The following SORCS1 variants were observed in gnomAD, a reference collection of about 807,000 sequenced individuals.
The protein encoded by SORCS1 is VPS10 domain-containing receptor SorCS1.
In SORCS1, 60 loss-of-function variants were observed where a neutral mutation model predicts 146.1. The observed-to-expected ratio is 0.41, with a 90% CI of 0.33 to 0.51. The LOEUF (loss-of-function observed/expected upper bound fraction) is 0.51. Ranked by LOEUF, SORCS1 falls within the 20% of genes least tolerant of loss-of-function variation. The probability of loss-of-function intolerance (pLI) is 0.21; values close to 1 mark genes in which losing one functional copy is unlikely to be tolerated. For missense variants in SORCS1, 1,352 were observed against 1,487.6 expected (o/e 0.91, Z 1.50); for synonymous variants, 637 against 584.0 (o/e 1.09, Z -1.31).
Position 106,924,511 on chromosome 10 carries a change from ATCT to A in SORCS1, c.626+31999_626+32001del, listed in dbSNP as rs1952899085. ...TATCTATCTATCTATCTATCTATCTATCTAATTTGCATTGGGCAGGAGCTACTC... is the reference window on the plus strand; with the variant it reads ...TATCTATCTATCTATCTATCTATCTAAATTTGCATTGGGCAGGAGCTACTC... On this transcript the variant is annotated intron_variant, in intron 2 of 25. Transcript: ENST00000263054. Among the ~76,000 whole-genome samples, 4 of 151,432 alleles carry A rather than the reference ATCT, an allele frequency of 2.6e-5. No individual in the cohort carries two copies. In the South Asian group the frequency reaches 8.4e-4, roughly 32 times the overall value.
chr10:106,934,990 A>G (rs910635693), intron 2 of SORCS1, among the ~76,000 whole-genome samples: 2 of 152,182 alleles, frequency 1.3e-5, no homozygotes, highest in African/African-American at 4.8e-5. Flanking sequence ...TGATGGGTAC[A>G]CTAAAATCTC....
chr10:106,755,958 G>A (rs936033735), intron 5 of SORCS1, among the ~76,000 whole-genome samples: 6 of 151,884 alleles, frequency 4.0e-5, no homozygotes, highest in Non-Finnish European at 7.4e-5. Flanking sequence ...GTGAAATTCC[G>A]TCTCTACTAA....
At chr10:107,170,971 T>C in the SORCS1 span, among the ~76,000 whole-genome samples, 1 of 152,230 alleles carries the variant, frequency 6.6e-6, no homozygotes, top group Non-Finnish European at 1.5e-5. Context: ...CTGTACATTA[T>C]CATTTGACTT....
intron 17 of SORCS1, among the ~76,000 whole-genome samples, chr10:106,656,724 C>T (rs1850323434): frequency 6.6e-6 from 1 of 151,188 alleles, no homozygotes; most frequent in Non-Finnish European, 1.5e-5. Context: ...TCAGTGTATA[C>T]TAAGGTGACA....
intron 2 of SORCS1, among the ~76,000 whole-genome samples, chr10:106,938,043 G>C (rs898709299): frequency 3.3e-5 from 5 of 151,848 alleles, no homozygotes; most frequent in African/African-American, 4.8e-5. Flanking sequence ...GGTCCAGAGA[G>C]GGCATCCTTA....
intron 24 of SORCS1, among the ~76,000 whole-genome samples, chr10:106,581,322 T>TACACACACACACAC (rs3044191): frequency 1.5e-3 from 207 of 142,442 alleles, no homozygotes; most frequent in African/African-American, 5.0e-3. Flanking sequence ...TCGTCATACA[T>TACACACACACACAC]ACACACACAC....
intron 1 of SORCS1, among the ~76,000 whole-genome samples, chr10:107,091,986 C>A (rs922575828): frequency 6.6e-6 from 1 of 151,550 alleles, no homozygotes; most frequent in Admixed American, 6.6e-5. Context: ...TAGCAGAGTA[C>A]CTACAGGACC....
At chr10:106,992,449 T>C (rs12245102) in intron 1 of SORCS1, among the ~76,000 whole-genome samples, 60,536 of 152,018 alleles carry the variant, frequency 0.4, 14,015 homozygotes, top group African/African-American at 0.65. Flanking sequence ...TGATCTATAT[T>C]GCAGACCCCC....
Position 107,163,995 on chromosome 10 carries a change from C to A in SORCS1, c.532G>T (p.Val178Phe). The change falls in exon 1 of 26, where the codon GTC becomes TTC. Residue 178 changes from valine to phenylalanine, a missense_variant. Transcript: ENST00000263054. ...CTGCTGTTGTGGCCAGACCAGTGGA[C>A]CATGGCTTGGTTGTGTGCTGAGTCT... is the stretch of plus-strand genomic sequence containing the variant. ...TGDSAHNQAM[V>F]HWSGHNSSVI... 1 of 1,613,900 alleles carries A rather than the reference C, an allele frequency of 6.2e-7. No individual in the cohort carries two copies.
chr10:106,862,052 A>G (rs982538947), intron 2 of SORCS1, among the ~76,000 whole-genome samples: 1 of 152,220 alleles, frequency 6.6e-6, no homozygotes, highest in African/African-American at 2.4e-5. Context: ...AGGTAAAAAA[A>G]TGAGTAAATC....
chr10:107,105,243 A>T (rs760624570), intron 1 of SORCS1, among the ~76,000 whole-genome samples: 9 of 152,230 alleles, frequency 5.9e-5, no homozygotes, highest in African/African-American at 1.2e-4. Context: ...TCAGGACAGA[A>T]CATGGTGTCT....
chr10:106,656,206 C>A (rs1333982510), intron 17 of SORCS1, among the ~76,000 whole-genome samples: 1 of 152,106 alleles, frequency 6.6e-6, no homozygotes, highest in East Asian at 1.9e-4. Context: ...TTCCTTTTTG[C>A]CCCTACCCTC....
At chr10:106,595,922 A>G (rs1845878588) in intron 24 of SORCS1, among the ~76,000 whole-genome samples, 1 of 152,222 alleles carries the variant, frequency 6.6e-6, no homozygotes, top group Non-Finnish European at 1.5e-5. Flanking sequence ...TTTCCTATAC[A>G]GCTTTAGTTG....
At chr10:106,596,915 G>A (rs1024586226) in intron 24 of SORCS1, among the ~76,000 whole-genome samples, 1 of 152,094 alleles carries the variant, frequency 6.6e-6, no homozygotes, top group African/African-American at 2.4e-5. Flanking sequence ...GCGGTGGCGT[G>A]ATCTCGGCTC....
intron 24 of SORCS1, among the ~76,000 whole-genome samples, chr10:106,585,993 A>G (rs901308065): frequency 6.6e-6 from 1 of 152,246 alleles, no homozygotes; most frequent in Admixed American, 6.5e-5. Flanking sequence ...GTGAATGTAG[A>G]TAAGACTAGA....
the SORCS1 span, among the ~76,000 whole-genome samples, chr10:107,175,932 T>C: frequency 1.3e-5 from 2 of 152,236 alleles, no homozygotes; most frequent in Non-Finnish European, 2.9e-5. Context: ...TCTTTCATTG[T>C]CCTTGATCAA....
intron 4 of SORCS1, among the ~76,000 whole-genome samples, chr10:106,772,062 T>G (rs1450950479): frequency 2.6e-5 from 4 of 152,174 alleles, no homozygotes; most frequent in Admixed American, 1.3e-4. Context: ...CTGATAAAAC[T>G]TATCTGGGTA....
At chr10:106,978,425 CACAT>C (rs924445361) in intron 1 of SORCS1, among the ~76,000 whole-genome samples, 1 of 152,116 alleles carries the variant, frequency 6.6e-6, no homozygotes, top group Non-Finnish European at 1.5e-5. Flanking sequence ...ACAGAGGTGA[CACAT>C]ACAGTACTAG....
intron 1 of SORCS1, among the ~76,000 whole-genome samples, chr10:107,139,306 C>G (rs1348420786): frequency 6.6e-6 from 1 of 151,860 alleles, no homozygotes; most frequent in Non-Finnish European, 1.5e-5. Context: ...TAGTTTTAGC[C>G]ATGTTGATAT....
Sources: gnomAD v4.1 joint callset for allele counts (sites outside exome capture counted in the v4.1 genomes callset) on GRCh38, gnomAD v4.1.1 for gene constraint, MANE v1.5 for transcripts, NCBI Gene and HGNC (gene_info 2026-07-23, HGNC 2026-07-21) for gene names.